Variants in PIP4K2A observed in about 807,000 individuals in gnomAD.
The protein encoded by PIP4K2A is phosphatidylinositol-5-phosphate 4-kinase type 2 alpha, also known as phosphatidylinositol 5-phosphate 4-kinase type-2 alpha.
Under a neutral mutation model 42.9 loss-of-function variants are expected in PIP4K2A, and 14 were observed. The ratio of observed to expected loss-of-function variants is 0.33; its 90% confidence interval spans 0.22 to 0.51. The LOEUF (loss-of-function observed/expected upper bound fraction) is 0.51. Among genes scored for constraint, PIP4K2A ranks in the 20% least tolerant of loss-of-function variants. The pLI, the probability that PIP4K2A is intolerant of heterozygous loss-of-function variation, is 0.97. For synonymous variants in PIP4K2A, 192 were observed against 192.2 expected, an observed-to-expected ratio of 1.00 and a Z score of 0.01; for missense variants, 434 against 519.8, an observed-to-expected ratio of 0.83 and a Z score of 1.61.
At chr10:22,588,008 G>A (rs1837437276) in intron 4 of PIP4K2A, among the ~76,000 whole-genome samples, 2 of 152,168 alleles carry the variant, frequency 1.3e-5, no homozygotes, top group African/African-American at 2.4e-5. Flanking sequence ...GACCTTTTAT[G>A]AGGTTTCTGT....
intron 6 of PIP4K2A, among the ~76,000 whole-genome samples, chr10:22,562,096 A>G (rs1418492710): frequency 2.6e-5 from 4 of 152,310 alleles, no homozygotes; most frequent in African/African-American, 9.6e-5. Context: ...GTCTGATCAT[A>G]AAAAGGAGTA....
At chr10:22,594,074 C>G (rs1358841269) in intron 3 of PIP4K2A, among the ~76,000 whole-genome samples, 1 of 152,168 alleles carries the variant, frequency 6.6e-6, no homozygotes, top group Non-Finnish European at 1.5e-5. Flanking sequence ...AGATTCTGAT[C>G]CAGCAGGTCA....
intron 4 of PIP4K2A, among the ~76,000 whole-genome samples, chr10:22,579,374 T>C (rs1218934662): frequency 1.3e-5 from 2 of 152,184 alleles, no homozygotes; most frequent in Non-Finnish European, 2.9e-5. Context: ...TCACATCCGA[T>C]GATTTATACA....
intron 1 of PIP4K2A, among the ~76,000 whole-genome samples, chr10:22,639,359 TAAA>T (rs35329002): frequency 7.4e-6 from 1 of 135,722 alleles, no homozygotes; most frequent in Non-Finnish European, 1.6e-5. Flanking sequence ...CAAAAGAAGC[TAAA>T]AAAAAAAAAA....
At chr10:22,542,333 C>G (rs1312452932) in intron 7 of PIP4K2A, among the ~76,000 whole-genome samples, 2 of 152,206 alleles carry the variant, frequency 1.3e-5, no homozygotes, top group African/African-American at 2.4e-5. Flanking sequence ...CACCAGATAG[C>G]AAGGAGCATG....
At chr10:22,623,575 C>A (rs1421332742) in intron 1 of PIP4K2A, among the ~76,000 whole-genome samples, 6 of 149,814 alleles carry the variant, frequency 4.0e-5, no homozygotes, top group Non-Finnish European at 8.9e-5. Flanking sequence ...AAGGGAGGTA[C>A]CCCCAGGAAC....
At chr10:22,544,535 C>T (rs750675364) in intron 7 of PIP4K2A, among the ~76,000 whole-genome samples, 1 of 152,182 alleles carries the variant, frequency 6.6e-6, no homozygotes, top group Non-Finnish European at 1.5e-5. Context: ...AGGCCCTGCT[C>T]GGCTTGAGAG....
At chr10:22,579,331 G>A (rs1368768164) in intron 4 of PIP4K2A, among the ~76,000 whole-genome samples, 1 of 152,128 alleles carries the variant, frequency 6.6e-6, no homozygotes, top group African/African-American at 2.4e-5. Context: ...TAACCCTAGT[G>A]ATATCAATCT....
chr10:22,562,609 C>T (rs1303546981), intron 6 of PIP4K2A, among the ~76,000 whole-genome samples: 3 of 152,168 alleles, frequency 2.0e-5, no homozygotes, highest in Non-Finnish European at 4.4e-5. Flanking sequence ...TACAGTTTAA[C>T]AAACGTTTCT....
intron 1 of PIP4K2A, among the ~76,000 whole-genome samples, chr10:22,697,877 C>T (rs1840002402): frequency 6.6e-6 from 1 of 152,140 alleles, no homozygotes; most frequent in Admixed American, 6.5e-5. Flanking sequence ...GTTAAGCAGT[C>T]AGACCGAGGA....
intron 1 of PIP4K2A, among the ~76,000 whole-genome samples, chr10:22,617,433 T>C (rs911014225): frequency 1.3e-5 from 2 of 152,234 alleles, no homozygotes; most frequent in Non-Finnish European, 2.9e-5. Context: ...AAGCAAAGAA[T>C]ATGCTCATAA....
intron 7 of PIP4K2A, among the ~76,000 whole-genome samples, chr10:22,542,749 G>A (rs544385950): frequency 2.0e-5 from 3 of 152,328 alleles, no homozygotes; most frequent in Non-Finnish European, 2.9e-5. Context: ...TTCAGATCAC[G>A]ATTTCTCTTT....
At chr10:22,558,877 C>A (rs1473425289) in intron 6 of PIP4K2A, among the ~76,000 whole-genome samples, 1 of 152,162 alleles carries the variant, frequency 6.6e-6, no homozygotes, top group Non-Finnish European at 1.5e-5. Context: ...CTGGCAAGAC[C>A]TAGCTGTTGG....
At chr10:22,646,963 A>C (rs192648193) in intron 1 of PIP4K2A, among the ~76,000 whole-genome samples, 18 of 151,276 alleles carry the variant, frequency 1.2e-4, no homozygotes, top group Admixed American at 1.3e-4. Flanking sequence ...CAAAACAAAA[A>C]AAAACAAACC....
chr10:22,616,519 C>CA (rs1385410356), intron 1 of PIP4K2A, among the ~76,000 whole-genome samples: 2 of 152,172 alleles, frequency 1.3e-5, no homozygotes, highest in Non-Finnish European at 2.9e-5. Flanking sequence ...CTTCTGCCAA[C>CA]ATAACTCACA....
At chr10:22,633,179 C>T (rs1838587855) in intron 1 of PIP4K2A, among the ~76,000 whole-genome samples, 1 of 152,220 alleles carries the variant, frequency 6.6e-6, no homozygotes, top group South Asian at 2.1e-4. Flanking sequence ...GGATTCAGAT[C>T]TGGGCAACAC....
chr10:22,573,470 G>A lies in PIP4K2A; in HGVS notation c.493-13C>T, dbSNP rs773991583. On this transcript the variant is annotated splice_polypyrimidine_tract_variant and intron_variant, in intron 4 of 9. Transcript: ENST00000376573. The stretch of plus-strand genomic sequence containing the variant: ...ATTCCACTATGTACTGCATAGGAGA[G>A]AAAGAAAAAGGAAAAAAACATCCAA... 1 of 1,591,186 alleles carries A rather than the reference G, an allele frequency of 6.3e-7. No homozygotes were observed. Among genetic ancestry groups the A allele is most frequent in the Non-Finnish European group, 8.5e-7 (1 of 1,171,980 alleles).
At chr10:22,550,615 G>A in intron 7 of PIP4K2A, 44 bp downstream of exon 7, 1 of 1,048,020 alleles carries the variant, frequency 9.5e-7, no homozygotes, top group East Asian at 2.4e-5. Flanking sequence ...CAACAGGGCT[G>A]ATATTTATAC....
At chr10:22,605,739 C>CA (rs1317884458) in intron 3 of PIP4K2A, among the ~76,000 whole-genome samples, 1 of 150,356 alleles carries the variant, frequency 6.7e-6, no homozygotes, top group Non-Finnish European at 1.5e-5. Context: ...CCCAGCCAAA[C>CA]AAAAAAAGGA....
Sources: allele counts gnomAD v4.1 joint callset (sites outside exome capture counted in the v4.1 genomes callset), GRCh38; gene constraint gnomAD v4.1.1; transcripts MANE v1.5; gene names NCBI Gene and HGNC (gene_info 2026-07-23, HGNC 2026-07-21).